GLS2: variants seen among roughly 807,000 people sequenced by gnomAD.
The protein encoded by GLS2 is glutaminase liver isoform, mitochondrial.
Under a neutral mutation model 79.0 loss-of-function variants are expected in GLS2, and 52 were observed. That is an observed-to-expected ratio of 0.66 (90% CI 0.53 to 0.83). The LOEUF (loss-of-function observed/expected upper bound fraction) is 0.83, where lower values mean the gene tolerates loss of function less well. Ranked by LOEUF, GLS2 falls within the 40% of genes least tolerant of loss-of-function variation. The pLI, the probability that GLS2 is intolerant of heterozygous loss-of-function variation, is 0.00. For synonymous variants in GLS2, 238 were observed against 280.8 expected (o/e 0.85, Z 1.52); for missense variants, 561 against 764.8 (o/e 0.73, Z 3.14).
intron 7 of GLS2, 36 bp downstream of exon 7, chr12:56,477,624 G>T: frequency 6.3e-7 from 1 of 1,595,980 alleles, no homozygotes; most frequent in Non-Finnish European, 8.6e-7. Context: ...GGAGCTTAGA[G>T]GATAATACCT....
At chr12:56,487,267 G>C (rs7312783) in intron 1 of GLS2, among the ~76,000 whole-genome samples, 59,013 of 152,128 alleles carry the variant, frequency 0.39, 13,214 homozygotes, top group East Asian at 0.63. Flanking sequence ...CAAAGGAAGA[G>C]AACGTTTTAG....
intron 1 of GLS2, among the ~76,000 whole-genome samples, chr12:56,485,277 C>G (rs1870593303): frequency 3.3e-5 from 5 of 151,856 alleles, no homozygotes; most frequent in Non-Finnish European, 5.9e-5. Context: ...TTATTTTTGA[C>G]ACAGGGTCTT....
In GLS2 at chr12:56,474,873, C is replaced by T; in HGVS notation, c.1020G>A (p.Met340Ile). 2.5e-6 allele frequency: 4 copies of T among 1,614,190 alleles called. No individual in the cohort carries two copies. Among genetic ancestry groups the T allele is most frequent in the Non-Finnish European group, 2.5e-6 (3 of 1,180,036 alleles). Residue 340 changes from methionine to isoleucine, a missense_variant, in exon 11 of 18, where the codon ATG (methionine) becomes ATA (isoleucine). By Grantham distance (10) the Met-to-Ile change is conservative. Around this residue, in one of 4 missense-constraint regions of GLS2, gnomAD observed 221 missense variants for 275.6 expected, o/e 0.80. Coordinates refer to ENST00000311966, the MANE Select transcript of GLS2 (RefSeq NM_013267.4). Reference sequence around the variant, plus strand: ...GGAAGTAGAGATCAAGGGCAGCCATCATGTCCACCCCCTTAGGAAAGCACT... The same window carrying T: ...GGAAGTAGAGATCAAGGGCAGCCATTATGTCCACCCCCTTAGGAAAGCACT... ...EKKCFPKGVD[M>I]MAALDLYFQL...
intron 1 of GLS2, among the ~76,000 whole-genome samples, chr12:56,485,624 C>T (rs1044089190): frequency 3.9e-5 from 6 of 152,042 alleles, no homozygotes; most frequent in Admixed American, 6.6e-5. Flanking sequence ...GGATGCATAG[C>T]AATGTTTCAA....
Position 56,474,846 on chromosome 12 carries a change from C to T in GLS2, c.1047G>A (p.Gln349=), listed in dbSNP as rs576524440. Residue 349 remains glutamine (Q), a splice_region_variant and synonymous_variant, in exon 11 of 18, where the codon CAG becomes CAA. Transcript: ENST00000311966. Reference sequence around the variant, plus strand: ...TCGGCCCTGAGCAGTGTTTTCTTACCTGGAAGTAGAGATCAAGGGCAGCCA... The same window carrying T: ...TCGGCCCTGAGCAGTGTTTTCTTACTTGGAAGTAGAGATCAAGGGCAGCCA... ...DMMAALDLYF[Q]LCSVEVTCES... 1.2e-6 allele frequency: 2 copies of T among 1,614,180 alleles called. No individual in the cohort carries two copies. Among genetic ancestry groups the T allele is most frequent in the African/African-American group, 2.7e-5 (2 of 75,044 alleles).
At chr12:56,472,238 T>A in intron 15 of GLS2, 43 bp from the exon 16 acceptor site, 2 of 1,569,474 alleles carry the variant, frequency 1.3e-6, no homozygotes, top group African/African-American at 1.3e-5. Context: ...TAGATCAGAC[T>A]GGAATCACAG....
Position 56,479,772 on chromosome 12 carries a change from G to A in GLS2, c.404+8C>T, listed in dbSNP as rs1386219424. On this transcript the variant is annotated splice_region_variant and intron_variant, in intron 3 of 17. Transcript: ENST00000311966. ...AGAGAGCAGTGCCCTTGTTTCTGGG[G>A]CCCTCACTTTCGGAAGAGATCTCGG... The A allele has an allele frequency of 6.3e-6, 10 of 1,591,858 alleles. No homozygotes were observed. The highest frequency in any genetic ancestry group is 2.3e-5 in the East Asian group (1 of 44,332).
intron 14 of GLS2, 124 bp from the exon 15 acceptor site, chr12:56,472,875 C>G: frequency 1.5e-6 from 1 of 671,998 alleles, no homozygotes; most frequent in Non-Finnish European, 2.5e-6. Context: ...ATGTGCTACT[C>G]TGAAATATTC....
At chr12:56,474,823 G>A (rs562890360) in intron 11 of GLS2, 23 bp downstream of exon 11, 55 of 1,613,418 alleles carry the variant, frequency 3.4e-5, no homozygotes, top group Middle Eastern at 3.3e-4. Context: ...CTGTTCCCTC[G>A]GCCCTGAGCA....
chr12:56,475,414 T>G, intron 9 of GLS2: 1 of 701,794 alleles, frequency 1.4e-6, no homozygotes, highest in African/African-American at 1.8e-5. Flanking sequence ...TCACACTGCC[T>G]CTCTCATTAT....
intron 1 of GLS2, among the ~76,000 whole-genome samples, chr12:56,483,075 TTTTC>T (rs1374800416): frequency 3.3e-5 from 5 of 151,956 alleles, no homozygotes; most frequent in South Asian, 2.1e-4. Context: ...TCTTTTTTCT[TTTTC>T]TTTCTTTTTT....
intron 1 of GLS2, among the ~76,000 whole-genome samples, chr12:56,481,506 A>T (rs1280899686): frequency 1.3e-5 from 2 of 151,078 alleles, no homozygotes; most frequent in Non-Finnish European, 2.9e-5. Context: ...ACGCCCAGTC[A>T]AAATGTGCCA....
At position 56,472,688 on chromosome 12, in the gene GLS2, AC is replaced by A; in HGVS notation, c.1511+1del. ...GTGTATATTTGGTCACAGTAGCATT[AC>A]CTTCGAAGAGCTGAGACATCGCCAC... On this transcript the variant is annotated splice_donor_variant, in intron 15 of 17. Coordinates refer to ENST00000311966, the MANE Select transcript of GLS2 (RefSeq NM_013267.4). LOFTEE classifies it high-confidence loss of function. 6.2e-7 allele frequency: 1 copy of A among 1,613,452 alleles called. No individual in the cohort carries two copies. The highest frequency in any genetic ancestry group is 8.5e-7 in the Non-Finnish European group (1 of 1,179,514).
chr12:56,472,676 C>T lies in GLS2; in HGVS notation c.1511+14G>A, dbSNP rs1869397783. 6.2e-7 allele frequency: 1 copy of T among 1,611,840 alleles called. No individual in the cohort carries two copies. Among genetic ancestry groups the T allele is most frequent in the African/African-American group, 1.3e-5 (1 of 74,822 alleles). On this transcript the variant is annotated intron_variant, in intron 15 of 17. Transcript: ENST00000311966. Reference sequence around the variant, plus strand: ...GAGTATTTTATTGTGTATATTTGGTCACAGTAGCATTACCTTCGAAGAGCT... The same window carrying T: ...GAGTATTTTATTGTGTATATTTGGTTACAGTAGCATTACCTTCGAAGAGCT...
chr12:56,474,149 A>G (rs559423360), intron 12 of GLS2: 10 of 216,724 alleles, frequency 4.6e-5, no homozygotes, highest in African/African-American at 1.2e-4. Flanking sequence ...CTACAGTGCA[A>G]TGGCACAATC....
chr12:56,474,805 A>C, intron 11 of GLS2, 41 bp downstream of exon 11: 1 of 1,613,494 alleles, frequency 6.2e-7, no homozygotes, highest in Non-Finnish European at 8.5e-7. Flanking sequence ...GGGCAAGGAC[A>C]GTCTGTCCTG....
intron 6 of GLS2, 51 bp downstream of exon 6, chr12:56,477,882 T>G: frequency 1.3e-6 from 2 of 1,582,372 alleles, no homozygotes; most frequent in Non-Finnish European, 1.7e-6. Flanking sequence ...GGGGTGGGGA[T>G]AAGGAGAAGG....
chr12:56,476,116 T>C, intron 7 of GLS2, 139 bp from the exon 8 acceptor site: 1 of 748,324 alleles, frequency 1.3e-6, no homozygotes, highest in East Asian at 2.7e-5. Context: ...GGCCCTTTTT[T>C]TATCCTTCTG....
At position 56,471,264 on chromosome 12, in the gene GLS2, G is replaced by A; in HGVS notation, c.*223C>T. ...CTGTACCTTGAAGCCCAGTCTCTCTGGATAGCTGTACTGCAGGTGTCCTCT... is the reference window on the plus strand; with the variant it reads ...CTGTACCTTGAAGCCCAGTCTCTCTAGATAGCTGTACTGCAGGTGTCCTCT... On this transcript the variant is annotated 3_prime_UTR_variant, in exon 18 of 18. Transcript: ENST00000311966. 2.0e-6 allele frequency: 1 copy of A among 510,186 alleles called. No homozygotes were observed. The highest frequency in any genetic ancestry group is 3.0e-5 in the East Asian group (1 of 32,910). 31.6% of individuals were successfully genotyped at this position (510,186 alleles called of 1,614,324 possible).
Sources: allele counts gnomAD v4.1 joint callset (sites outside exome capture counted in the v4.1 genomes callset), GRCh38; gene constraint gnomAD v4.1.1; regional missense constraint gnomAD v4.1.1; transcripts MANE v1.5; gene names NCBI Gene and HGNC (gene_info 2026-07-23, HGNC 2026-07-21).